The following TLE1 variants were observed in gnomAD, a reference collection of about 807,000 sequenced individuals.
TLE1 encodes the protein transducin-like enhancer protein 1.
In TLE1, 21 loss-of-function variants were observed where a neutral mutation model predicts 89.8. That is an observed-to-expected ratio of 0.23 (90% confidence interval 0.17 to 0.34). TLE1 has a LOEUF of 0.34. Ranked by LOEUF, TLE1 falls within the 10% of genes least tolerant of loss-of-function variation. The pLI, the probability that TLE1 is intolerant of heterozygous loss-of-function variation, is 1.00. For missense variants in TLE1, 795 were observed against 1,031.2 expected, an observed-to-expected ratio of 0.77 and a Z score of 3.14; for synonymous variants, 447 against 407.6, an observed-to-expected ratio of 1.10 and a Z score of -1.16.
chr9:81,605,632 A>C lies in TLE1; in HGVS notation c.1331+4588T>G, dbSNP rs146582986. 9.4e-3 allele frequency among the ~76,000 whole-genome samples: 1,436 copies of C among 152,336 alleles called. 15 individuals carry two copies. Among genetic ancestry groups the C allele is most frequent in the Non-Finnish European group, 0.014 (951 of 68,034 alleles). On this transcript the variant is annotated intron_variant, in intron 14 of 19. Coordinates refer to ENST00000376499, the MANE Select transcript of TLE1 (RefSeq NM_005077.5). ...TAAAAATTAATTCAAGATGGATTAA[A>C]GATTTAAATATTAGACCTAAAACCA...
chr9:81,677,085 A>C (rs181248284), intron 4 of TLE1, among the ~76,000 whole-genome samples: 267 of 152,178 alleles, frequency 1.8e-3, no homozygotes, highest in Non-Finnish European at 1.7e-3. Flanking sequence ...AAAATGTAAC[A>C]ATTAGCTGGG....
intron 6 of TLE1, among the ~76,000 whole-genome samples, chr9:81,641,406 T>C: frequency 6.6e-6 from 1 of 151,910 alleles, no homozygotes; most frequent in East Asian, 1.9e-4. Flanking sequence ...GGCCAAGAAT[T>C]CTCCAGCCAC....
At chr9:81,617,816 G>A (rs975822438) in intron 9 of TLE1, among the ~76,000 whole-genome samples, 5 of 152,160 alleles carry the variant, frequency 3.3e-5, no homozygotes, top group Admixed American at 3.3e-4. Context: ...ACGAGGTCAG[G>A]AGCTCGAGAC....
At chr9:81,685,332 A>C (rs1455738842) in intron 4 of TLE1, among the ~76,000 whole-genome samples, 2 of 152,168 alleles carry the variant, frequency 1.3e-5, no homozygotes, top group East Asian at 3.8e-4. Flanking sequence ...AAAAACATTA[A>C]CTATTCTAAA....
intron 8 of TLE1, among the ~76,000 whole-genome samples, chr9:81,625,534 A>C (rs1287508145): frequency 6.6e-6 from 1 of 152,068 alleles, no homozygotes; most frequent in Non-Finnish European, 1.5e-5. Context: ...TGGATGCGAG[A>C]GGCCAATATA....
chr9:81,683,127 C>G lies in TLE1; in HGVS notation c.234+2549G>C, dbSNP rs907005578. 5.9e-4 allele frequency among the ~76,000 whole-genome samples: 89 copies of G among 152,104 alleles called. 1 individual carries two copies. Among genetic ancestry groups the G allele is most frequent in the African/African-American group, 1.8e-3 (76 of 41,400 alleles). On this transcript the variant is annotated intron_variant, in intron 4 of 19. Coordinates refer to ENST00000376499, the MANE Select transcript of TLE1 (RefSeq NM_005077.5). ...AATCTCTAGAACTCACTCCGACAAA[C>G]CCGTTGAAAGGTGGGAAGGGAGAGC...
At chr9:81,613,954 C>G (rs528354851) in intron 11 of TLE1, among the ~76,000 whole-genome samples, 1 of 139,342 alleles carries the variant, frequency 7.2e-6, no homozygotes, top group East Asian at 2.3e-4. Context: ...GTCACCCAAG[C>G]TGGAGTGCAG....
At chr9:81,669,213 G>C (rs1831888654) in intron 4 of TLE1, among the ~76,000 whole-genome samples, 1 of 152,198 alleles carries the variant, frequency 6.6e-6, no homozygotes, top group Non-Finnish European at 1.5e-5. Flanking sequence ...TGAATCATTT[G>C]AGATGATCTG....
chr9:81,637,251 G>C (rs1446284355), intron 6 of TLE1, among the ~76,000 whole-genome samples: 2 of 152,138 alleles, frequency 1.3e-5, no homozygotes, highest in Non-Finnish European at 2.9e-5. Flanking sequence ...CCAGCTACTT[G>C]AAAGGCTGAG....
intron 4 of TLE1, among the ~76,000 whole-genome samples, chr9:81,667,785 G>A (rs189199278): frequency 2.6e-4 from 40 of 152,214 alleles, no homozygotes; most frequent in Admixed American, 5.9e-4. Flanking sequence ...CTGCCTTCCC[G>A]GATGGAACCT....
chr9:81,629,811 C>T (rs577450910), intron 8 of TLE1, among the ~76,000 whole-genome samples: 17 of 152,250 alleles, frequency 1.1e-4, no homozygotes, highest in African/African-American at 2.6e-4. Flanking sequence ...AGTAAAAATA[C>T]GGTGTTATAC....
chr9:81,619,399 A>T (rs768204185), intron 9 of TLE1, among the ~76,000 whole-genome samples: 1 of 152,240 alleles, frequency 6.6e-6, no homozygotes, highest in African/African-American at 2.4e-5. Context: ...AGCTGGCTCC[A>T]GCAAATCACT....
At chr9:81,679,559 C>T (rs752568524) in intron 4 of TLE1, among the ~76,000 whole-genome samples, 7 of 152,170 alleles carry the variant, frequency 4.6e-5, no homozygotes, top group Non-Finnish European at 1.0e-4. Flanking sequence ...ATCCTAGTTC[C>T]ACTTAAAACA....
intron 4 of TLE1, among the ~76,000 whole-genome samples, chr9:81,659,229 T>G (rs1259189723): frequency 6.6e-6 from 1 of 152,148 alleles, no homozygotes; most frequent in Non-Finnish European, 1.5e-5. Context: ...CTCCTGCCCA[T>G]GCTTCTATTC....
intron 2 of TLE1, 89 bp downstream of exon 2, chr9:81,687,245 A>G: frequency 4.7e-6 from 5 of 1,068,380 alleles, no homozygotes; most frequent in Non-Finnish European, 6.9e-6. Context: ...TGGACGCAAG[A>G]ACTAAGTACA....
intron 11 of TLE1, among the ~76,000 whole-genome samples, chr9:81,614,975 G>A (rs1824231264): frequency 6.6e-6 from 1 of 150,934 alleles, no homozygotes. Flanking sequence ...CAGGCAGATT[G>A]CCTGAGGTCA....
chr9:81,627,614 G>C (rs566750507), intron 8 of TLE1, among the ~76,000 whole-genome samples: 30 of 152,306 alleles, frequency 2.0e-4, no homozygotes, highest in African/African-American at 7.0e-4. Flanking sequence ...GTCTGCTTAA[G>C]AAAACCTAAG....
intron 4 of TLE1, among the ~76,000 whole-genome samples, chr9:81,673,293 A>AC (rs1237952537): frequency 6.6e-6 from 1 of 150,752 alleles, no homozygotes; most frequent in Non-Finnish European, 1.5e-5. Context: ...AAAAAAAAAA[A>AC]ACAGACTGCC....
intron 4 of TLE1, among the ~76,000 whole-genome samples, chr9:81,675,790 C>A (rs1388052175): frequency 1.3e-5 from 2 of 149,756 alleles, no homozygotes; most frequent in Non-Finnish European, 3.0e-5. Flanking sequence ...AACCTCCAAC[C>A]CCCTGGTTCA....
Sources: allele counts gnomAD v4.1 joint callset (sites outside exome capture counted in the v4.1 genomes callset), GRCh38; gene constraint gnomAD v4.1.1; transcripts MANE v1.5; gene names NCBI Gene and HGNC (gene_info 2026-07-23, HGNC 2026-07-21).